TMEM242: variants seen among roughly 807,000 people sequenced by gnomAD.
TMEM242 encodes transmembrane protein 242, also known as UPF0463 transmembrane protein C6orf35.
Under a neutral mutation model 18.2 loss-of-function variants are expected in TMEM242, and 10 were observed. That is an observed-to-expected ratio of 0.55 (90% confidence interval 0.34 to 0.93). The LOEUF (loss-of-function observed/expected upper bound fraction) is 0.93, where lower values mean the gene tolerates loss of function less well. Ranked by LOEUF, TMEM242 falls within the 40% of genes least tolerant of loss-of-function variation. The pLI, the probability that TMEM242 is intolerant of heterozygous loss-of-function variation, is 0.02. For missense variants in TMEM242, 186 were observed against 175.5 expected, an observed-to-expected ratio of 1.06 and a Z score of -0.34; for synonymous variants, 57 against 69.9, an observed-to-expected ratio of 0.81 and a Z score of 0.92.
At chr6:157,310,894 A>G (rs201269139) in intron 3 of TMEM242, among the ~76,000 whole-genome samples, 2,399 of 15,100 alleles carry the variant, frequency 0.16, no homozygotes, top group Non-Finnish European at 0.22. Context: ...GCACTCACCT[A>G]GCCTCATCAT....
intron 1 of TMEM242, among the ~76,000 whole-genome samples, chr6:157,323,083 C>A (rs782205283): frequency 5.3e-5 from 8 of 152,120 alleles, no homozygotes; most frequent in Non-Finnish European, 1.0e-4. Context: ...TCCCCTGGGA[C>A]CACAGCGTGA....
In TMEM242 at chr6:157,289,730, A is replaced by G. The variant is rs1777659684; in HGVS notation, c.*3171T>C. ...CCTTAATTTCTTCTATTTTCCCCTT[A>G]GATTGCAATGATTAATTTGCAAGTT... On this transcript the variant is annotated 3_prime_UTR_variant, in exon 4 of 4. Transcript: ENST00000400788. 8.0e-6 allele frequency: 1 copy of G among 124,894 alleles called. No homozygotes were observed. Among genetic ancestry groups the G allele is most frequent in the Admixed American group, 9.9e-5 (1 of 10,128 alleles). The allele number at this position is 124,894 out of a possible 1,614,324, so 7.7% of individuals were successfully genotyped here.
At chr6:157,304,476 A>G (rs1309209942) in intron 3 of TMEM242, among the ~76,000 whole-genome samples, 1 of 124,428 alleles carries the variant, frequency 8.0e-6, no homozygotes, top group East Asian at 2.5e-4. Context: ...AAAAAAAAAA[A>G]AAAAAAAAAA....
intron 3 of TMEM242, among the ~76,000 whole-genome samples, chr6:157,310,852 A>C (rs201650708): frequency 8.6e-5 from 4 of 46,346 alleles, no homozygotes; most frequent in Non-Finnish European, 1.1e-4. Context: ...CCCAGTGTGC[A>C]CTCACCTAGC....
At chr6:157,297,504 C>T (rs912944554) in intron 3 of TMEM242, among the ~76,000 whole-genome samples, 2 of 152,190 alleles carry the variant, frequency 1.3e-5, no homozygotes, top group South Asian at 2.1e-4. Context: ...GCTCCTAAAA[C>T]CGCCTAGAAC....
chr6:157,296,907 G>A (rs1777757459), intron 3 of TMEM242, among the ~76,000 whole-genome samples: 1 of 152,172 alleles, frequency 6.6e-6, no homozygotes, highest in Non-Finnish European at 1.5e-5. Context: ...AAGACAAATG[G>A]AAAATGTATT....
chr6:157,304,039 C>A (rs587624846), intron 3 of TMEM242, among the ~76,000 whole-genome samples: 17 of 152,234 alleles, frequency 1.1e-4, no homozygotes, highest in Middle Eastern at 3.4e-3. Flanking sequence ...TAATAAATAA[C>A]CCCAATCACA....
intron 3 of TMEM242, among the ~76,000 whole-genome samples, chr6:157,302,421 C>T (rs944283319): frequency 1.3e-5 from 2 of 152,158 alleles, no homozygotes; most frequent in African/African-American, 2.4e-5. Flanking sequence ...AAAGACTCTT[C>T]GCGGGATGGC....
chr6:157,318,988 T>C lies in TMEM242; in HGVS notation c.190-69A>G, dbSNP rs1452712027. ...AAAGAATAAGCATTCTGGGGGTGTT[T>C]GCAAATTCCTCTCTGTGCAAACAAC... On this transcript the variant is annotated intron_variant, in intron 2 of 3. Coordinates refer to ENST00000400788, the MANE Select transcript of TMEM242 (RefSeq NM_018452.6). 3 of 1,454,756 alleles carry C rather than the reference T, an allele frequency of 2.1e-6. No homozygotes were observed. In the East Asian group the frequency reaches 7.2e-5, roughly 35 times the overall value. The allele number at this position is 1,454,756 out of a possible 1,614,324, so 90.1% of individuals were successfully genotyped here. A position where few individuals can be genotyped will look rare whatever the true frequency, so the allele number is the denominator to read the frequency against.
intron 2 of TMEM242, among the ~76,000 whole-genome samples, chr6:157,319,902 TGGGGACC>T (rs1778465174): frequency 6.6e-6 from 1 of 152,180 alleles, no homozygotes; most frequent in African/African-American, 2.4e-5. Context: ...TGCCCTTTAA[TGGGGACC>T]ACACATAACG....
chr6:157,312,607 C>T (rs1554249333), intron 3 of TMEM242, among the ~76,000 whole-genome samples: 2 of 149,956 alleles, frequency 1.3e-5, no homozygotes, highest in Non-Finnish European at 3.0e-5. Context: ...AGTGTGCACT[C>T]ACCTAGCCTC....
chr6:157,293,930 A>G (rs1459449508), intron 3 of TMEM242, among the ~76,000 whole-genome samples: 1 of 152,128 alleles, frequency 6.6e-6, no homozygotes, highest in African/African-American at 2.4e-5. Context: ...TATGTTGCCC[A>G]GGCTGGTCTC....
Position 157,291,739 on chromosome 6 carries a change from A to G in TMEM242, c.*1162T>C, listed in dbSNP as rs1409222762. On this transcript the variant is annotated 3_prime_UTR_variant, in exon 4 of 4. Coordinates refer to ENST00000400788, the MANE Select transcript of TMEM242 (RefSeq NM_018452.6). ...TAAGTTCTTGTCATTTCATTTAAAA[A>G]TCTCCCTTAGAATAAAAGGTTTCAT... 1 of 150,158 alleles carries G rather than the reference A, an allele frequency of 6.7e-6. No individual in the cohort carries two copies. The highest frequency in any genetic ancestry group is 1.5e-5 in the Non-Finnish European group (1 of 67,512). The allele number at this position is 150,158 out of a possible 1,614,324, so 9.3% of individuals were successfully genotyped here. A position where few individuals can be genotyped will look rare whatever the true frequency, so the allele number is the denominator to read the frequency against.
At chr6:157,316,482 C>CA (rs1367422595) in intron 3 of TMEM242, among the ~76,000 whole-genome samples, 1 of 152,098 alleles carries the variant, frequency 6.6e-6, no homozygotes, top group Non-Finnish European at 1.5e-5. Flanking sequence ...AGGTTAACAG[C>CA]AAAAATCATG....
intron 2 of TMEM242, among the ~76,000 whole-genome samples, chr6:157,321,102 G>A (rs1050483983): frequency 1.3e-5 from 2 of 148,960 alleles, no homozygotes; most frequent in African/African-American, 5.0e-5. Flanking sequence ...TCCGCCTCCC[G>A]GGTTCACGCC....
chr6:157,299,505 G>A lies in TMEM242; in HGVS notation c.328-6506C>T, dbSNP rs1178366588. The A allele has an allele frequency of 4.2e-6, 6 of 1,438,760 alleles. No individual in the cohort carries two copies. The African/African-American group carries it at 5.6e-5, about 13-fold the overall frequency. The allele number at this position is 1,438,760 out of a possible 1,614,324, so 89.1% of individuals were successfully genotyped here. The stretch of plus-strand genomic sequence containing the variant: ...TTTTGTCCAAACAAGAAACAAAAAC[G>A]AGCAGTATCCAGATTACAGCCGCTT... On this transcript the variant is annotated intron_variant, in intron 3 of 3. Transcript: ENST00000400788.
rs183609666 is a variant in TMEM242, at chr6:157,290,190, G to T, written c.*2711C>A. ...GCTCTTTTGGGCGCTGAGACTCTAA[G>T]TGTAAAGCTTAACACTCACCCAGTG... On this transcript the variant is annotated 3_prime_UTR_variant, in exon 4 of 4. Transcript: ENST00000400788. 5.3e-5 allele frequency: 8 copies of T among 152,300 alleles called. No individual in the cohort carries two copies. Among genetic ancestry groups the T allele is most frequent in the Admixed American group, 3.9e-4 (6 of 15,298 alleles). The allele number at this position is 152,300 out of a possible 1,614,324, so 9.4% of individuals were successfully genotyped here.
At chr6:157,312,086 GTGCCCTAGTGTCCCCTCACCTA>G (rs1778152123) in intron 3 of TMEM242, among the ~76,000 whole-genome samples, 2 of 92,660 alleles carry the variant, frequency 2.2e-5, no homozygotes, top group African/African-American at 9.0e-5. Context: ...CCTCAACATA[GTGCCCTAGTGTCCCCTCACCTA>G]GCCTCATCAT....
At chr6:157,313,338 G>C (rs1554249709) in intron 3 of TMEM242, among the ~76,000 whole-genome samples, 13 of 151,116 alleles carry the variant, frequency 8.6e-5, no homozygotes, top group African/African-American at 1.5e-4. Context: ...CCTCATCATA[G>C]TGCCCCAGTG....
Sources: allele counts gnomAD v4.1 joint callset (sites outside exome capture counted in the v4.1 genomes callset), GRCh38; gene constraint gnomAD v4.1.1; transcripts MANE v1.5; gene names NCBI Gene and HGNC (gene_info 2026-07-23, HGNC 2026-07-21).